Variants in TLK2 observed in about 807,000 individuals in gnomAD.
TLK2 encodes the protein serine/threonine-protein kinase tousled-like 2.
TLK2 carries 6 observed loss-of-function variants against 117.3 expected under a neutral mutation model. That is an observed-to-expected ratio of 0.05 (90% CI 0.03 to 0.10). The LOEUF (loss-of-function observed/expected upper bound fraction) is 0.10, where lower values mean the gene tolerates loss of function less well. TLK2 is among the 10% of genes least tolerant of loss of function. The pLI is 1.00. For synonymous variants in TLK2, 257 were observed against 316.7 expected (o/e 0.81, Z 2.00); for missense variants, 299 against 901.2 (o/e 0.33, Z 8.56).
At chr17:62,493,092 G>A (rs1226383945) in intron 2 of TLK2, among the ~76,000 whole-genome samples, 1 of 151,950 alleles carries the variant, frequency 6.6e-6, no homozygotes, top group African/African-American at 2.4e-5. Flanking sequence ...GCAAGACTCC[G>A]TCTCAAAAAA....
Position 62,615,298 on chromosome 17 carries a change from A to G in TLK2, c.*2733A>G, listed in dbSNP as rs1360671074. On this transcript the variant is annotated 3_prime_UTR_variant, in exon 22 of 22. Transcript: ENST00000346027. Reference sequence around the variant, plus strand: ...AATCACTAAGTGGGGTTCTTCCATGACATATTTTGTTAATATGGGTTTCAC... The same window carrying G: ...AATCACTAAGTGGGGTTCTTCCATGGCATATTTTGTTAATATGGGTTTCAC... 6.6e-6 allele frequency: 1 copy of G among 152,190 alleles called. No individual in the cohort carries two copies. The highest frequency in any genetic ancestry group is 1.5e-5 in the Non-Finnish European group (1 of 68,044). The allele number at this position is 152,190 out of a possible 1,614,324, so 9.4% of individuals were successfully genotyped here.
chr17:62,568,870 T>A (rs1598642969), intron 11 of TLK2, among the ~76,000 whole-genome samples: 1 of 152,168 alleles, frequency 6.6e-6, no homozygotes, highest in African/African-American at 2.4e-5. Context: ...TAAAGCAATT[T>A]ACGTCAAACC....
At chr17:62,485,459 A>C (rs2144507502) in intron 2 of TLK2, among the ~76,000 whole-genome samples, 1 of 152,330 alleles carries the variant, frequency 6.6e-6, no homozygotes, top group Non-Finnish European at 1.5e-5. Flanking sequence ...TAAGTTGCTC[A>C]TTACCTATAT....
intron 2 of TLK2, among the ~76,000 whole-genome samples, chr17:62,514,931 A>G (rs1166831537): frequency 6.6e-6 from 1 of 152,228 alleles, no homozygotes; most frequent in Non-Finnish European, 1.5e-5. Context: ...TGTACAGTTC[A>G]GTAGTAAATA....
chr17:62,588,694 T>C (rs566012085), intron 16 of TLK2, among the ~76,000 whole-genome samples: 87 of 152,262 alleles, frequency 5.7e-4, no homozygotes, highest in African/African-American at 2.1e-3. Flanking sequence ...GAAGCAGCAC[T>C]GAGGAGACAA....
In TLK2 at chr17:62,524,307, A is replaced by G; in HGVS notation, c.339A>G (p.Gln113=). The G allele has an allele frequency of 1.9e-6, 3 of 1,613,726 alleles. No individual in the cohort carries two copies. The highest frequency in any genetic ancestry group is 2.2e-5 in the South Asian group (2 of 91,042). ...SVPPVARSSP[Q]HSLSNPLPRR... Reference sequence around the variant, plus strand: ...CACCAGTTGCACGATCCTCACCGCAACATTCCTTATCCAATCCCTTACCGG... The same window carrying G: ...CACCAGTTGCACGATCCTCACCGCAGCATTCCTTATCCAATCCCTTACCGG... Residue 113 remains glutamine, a synonymous_variant, in exon 6 of 22, where the codon CAA becomes CAG. Coordinates refer to ENST00000346027, the MANE Select transcript of TLK2 (RefSeq NM_006852.6).
intron 11 of TLK2, among the ~76,000 whole-genome samples, chr17:62,565,651 C>CAAAAAA (rs5821367): frequency 9.9e-5 from 10 of 101,104 alleles, no homozygotes; most frequent in South Asian, 3.6e-4. Flanking sequence ...GACTCCATCT[C>CAAAAAA]AAAAAAAAAA....
At chr17:62,596,538 A>G in intron 16 of TLK2, 47 bp from the exon 17 acceptor site, 2 of 1,412,296 alleles carry the variant, frequency 1.4e-6, no homozygotes, top group Non-Finnish European at 2.0e-6. Flanking sequence ...AGAGTTCTAA[A>G]AGGCAGGCCA....
intron 2 of TLK2, among the ~76,000 whole-genome samples, chr17:62,500,894 A>T (rs543891034): frequency 1.3e-5 from 2 of 152,208 alleles, no homozygotes; most frequent in African/African-American, 4.8e-5. Flanking sequence ...GAAAATATTC[A>T]TAGCTAAGTG....
intron 17 of TLK2, 26 bp downstream of exon 17, chr17:62,596,700 A>G (rs2147105723): frequency 6.3e-7 from 1 of 1,590,456 alleles, no homozygotes; most frequent in East Asian, 2.2e-5. Flanking sequence ...TTTTACCTTA[A>G]CAGTTATATT....
At chr17:62,539,196 C>T (rs1038603376) in intron 7 of TLK2, among the ~76,000 whole-genome samples, 11 of 152,118 alleles carry the variant, frequency 7.2e-5, no homozygotes, top group Admixed American at 2.0e-4. Flanking sequence ...CATAAAATTA[C>T]ACAAAGATAT....
chr17:62,486,625 A>G (rs994913863), intron 2 of TLK2, among the ~76,000 whole-genome samples: 17 of 152,210 alleles, frequency 1.1e-4, no homozygotes, highest in African/African-American at 4.1e-4. Context: ...TAGTCTCAGC[A>G]GTTCTGGAGA....
At chr17:62,475,090 CG>C (rs1417711893), upstream of TLK2, among the ~76,000 whole-genome samples, 1 of 152,120 alleles carries the variant, frequency 6.6e-6, no homozygotes, top group East Asian at 1.9e-4. Context: ...AGCAACCAAA[CG>C]TTTTTCCATT....
upstream of TLK2, among the ~76,000 whole-genome samples, chr17:62,475,317 T>C (rs2071017397): frequency 6.6e-6 from 1 of 152,098 alleles, no homozygotes; most frequent in African/African-American, 2.4e-5. Context: ...CCCCACCTGT[T>C]CTACACTGGC....
upstream of TLK2, among the ~76,000 whole-genome samples, chr17:62,474,290 G>A (rs1471345067): frequency 6.6e-6 from 1 of 151,854 alleles, no homozygotes; most frequent in Non-Finnish European, 1.5e-5. Context: ...GTGTTAGCCA[G>A]GATGCTCTCC....
At chr17:62,568,865 C>T (rs977392260) in intron 11 of TLK2, among the ~76,000 whole-genome samples, 1 of 152,046 alleles carries the variant, frequency 6.6e-6, no homozygotes, top group Non-Finnish European at 1.5e-5. Context: ...CGTTTTAAAG[C>T]AATTTACGTC....
chr17:62,496,504 G>A (rs1184620696), intron 2 of TLK2, among the ~76,000 whole-genome samples: 1 of 152,154 alleles, frequency 6.6e-6, no homozygotes, highest in Non-Finnish European at 1.5e-5. Flanking sequence ...TCTCCATGGA[G>A]AGGAGGAATT....
chr17:62,596,201 G>A (rs528314106), intron 16 of TLK2, among the ~76,000 whole-genome samples: 34 of 152,080 alleles, frequency 2.2e-4, no homozygotes, highest in Non-Finnish European at 4.3e-4. Context: ...TCAGCCTCCC[G>A]AGTAGCTGGG....
chr17:62,576,572 A>T, intron 12 of TLK2, 137 bp from the exon 13 acceptor site: 1 of 676,278 alleles, frequency 1.5e-6, no homozygotes. Context: ...TCAGAGGACT[A>T]CAAGATAACC....
Sources: allele counts gnomAD v4.1 joint callset (sites outside exome capture counted in the v4.1 genomes callset), GRCh38; gene constraint gnomAD v4.1.1; transcripts MANE v1.5; gene names NCBI Gene and HGNC (gene_info 2026-07-23, HGNC 2026-07-21).